The following MPRIP variants were observed in gnomAD, a reference collection of about 807,000 sequenced individuals.
MPRIP encodes the protein myosin phosphatase Rho interacting protein, also known as myosin phosphatase Rho-interacting protein.
MPRIP carries 59 observed loss-of-function variants against 234.9 expected under a neutral mutation model. That is an observed-to-expected ratio of 0.25 (90% CI 0.20 to 0.31). MPRIP has a LOEUF of 0.31. MPRIP is among the 10% of genes least tolerant of loss of function. MPRIP has a pLI of 1.00. For synonymous variants in MPRIP, 1,144 were observed against 1,263.9 expected, an observed-to-expected ratio of 0.91 and a Z score of 2.01; for missense variants, 2,436 against 3,071.0, an observed-to-expected ratio of 0.79 and a Z score of 4.89.
At chr17:17,067,589 C>T (rs781677401) in intron 1 of MPRIP, among the ~76,000 whole-genome samples, 40 of 151,996 alleles carry the variant, frequency 2.6e-4, no homozygotes, top group Non-Finnish European at 5.3e-4. Context: ...TGTGGTTGAC[C>T]GTGGGTAAGG....
At chr17:17,157,747 G>C (rs1053095726) in intron 13 of MPRIP, among the ~76,000 whole-genome samples, 9 of 151,554 alleles carry the variant, frequency 5.9e-5, no homozygotes, top group Non-Finnish European at 7.4e-5. Context: ...AGAATCGCTT[G>C]AACCCAGCAG....
intron 3 of MPRIP, chr17:17,097,291 A>G (rs1421382907): frequency 6.5e-6 from 1 of 153,208 alleles, no homozygotes; most frequent in East Asian, 1.9e-4. Context: ...TGCTTATGTA[A>G]GACCTAAAAA....
chr17:17,133,027 G>T (rs1271412399), intron 5 of MPRIP, among the ~76,000 whole-genome samples: 1 of 152,178 alleles, frequency 6.6e-6, no homozygotes. Flanking sequence ...GTAACTCCAA[G>T]TGCAGAAGCC....
At chr17:17,149,212 G>T (rs1239892673) in intron 11 of MPRIP, among the ~76,000 whole-genome samples, 1 of 152,144 alleles carries the variant, frequency 6.6e-6, no homozygotes, top group Non-Finnish European at 1.5e-5. Flanking sequence ...TTCCTTTGTT[G>T]TCCGGGGGCG....
chr17:17,174,131 G>T, intron 19 of MPRIP, 56 bp downstream of exon 19: 1 of 1,590,490 alleles, frequency 6.3e-7, no homozygotes, highest in South Asian at 1.1e-5. Flanking sequence ...AGGTCAGGTA[G>T]ACCCATAGTC....
intron 1 of MPRIP, among the ~76,000 whole-genome samples, chr17:17,044,029 A>G (rs2088267026): frequency 6.6e-6 from 1 of 152,192 alleles, no homozygotes; most frequent in African/African-American, 2.4e-5. Flanking sequence ...ATGCCACTTC[A>G]GTGCACCCAG....
chr17:17,100,363 G>A (rs749310501), intron 3 of MPRIP, among the ~76,000 whole-genome samples: 2 of 152,104 alleles, frequency 1.3e-5, no homozygotes, highest in Non-Finnish European at 2.9e-5. Flanking sequence ...CCCCCTTGTC[G>A]AACCAGTCAA....
chr17:17,058,345 G>A (rs904143204), intron 1 of MPRIP, among the ~76,000 whole-genome samples: 1 of 151,072 alleles, frequency 6.6e-6, no homozygotes, highest in African/African-American at 2.4e-5. Context: ...GGGGACCCAG[G>A]GAGGAGAGCT....
chr17:17,109,786 G>A (rs1292215704), intron 3 of MPRIP, among the ~76,000 whole-genome samples: 1 of 152,094 alleles, frequency 6.6e-6, no homozygotes, highest in African/African-American at 2.4e-5. Flanking sequence ...TACCCTAAAG[G>A]TACATGAAGC....
rs1346673604 is a variant in MPRIP at position 17,167,489 on chromosome 17, G to A, written c.5898G>A (p.Leu1966=). The A allele has an allele frequency of 7.7e-7, 1 of 1,304,120 alleles. No homozygotes were observed. The highest frequency in any genetic ancestry group is 5.5e-5 in the East Asian group (1 of 18,032). The allele number at this position is 1,304,120 out of a possible 1,614,324, so 80.8% of individuals were successfully genotyped here. A position where few individuals can be genotyped will look rare whatever the true frequency, so the allele number is the denominator to read the frequency against. ...AGCTGACCAGGACCGAGAGCACACTGCAGGCTGAGCGCAGCCGGGTCCTGA... is the reference window on the plus strand; with the variant it reads ...AGCTGACCAGGACCGAGAGCACACTACAGGCTGAGCGCAGCCGGGTCCTGA... ...VEQLTRTEST[L]QAERSRVLSQ... Residue 1966 remains leucine (L), a synonymous_variant, in exon 16 of 24, where the codon CTG becomes CTA. Coordinates refer to ENST00000651222, the MANE Select transcript of MPRIP (RefSeq NM_001364716.4). This position sits in a 1 kb window ranked among gnomAD's most constrained non-coding sequence, Gnocchi z 5.9.
chr17:17,089,074 C>T (rs1233532092), intron 3 of MPRIP, among the ~76,000 whole-genome samples: 4 of 152,208 alleles, frequency 2.6e-5, no homozygotes, highest in Non-Finnish European at 5.9e-5. Flanking sequence ...GTGTCAGAAT[C>T]GAACTCCAGG....
intron 1 of MPRIP, among the ~76,000 whole-genome samples, chr17:17,059,670 G>T (rs189315682): frequency 6.6e-6 from 1 of 152,132 alleles, no homozygotes. Context: ...ACCACCTTTC[G>T]TGTCTTCGTC....
In MPRIP at chr17:17,119,937, G is replaced by A. The variant is rs1435724523; in HGVS notation, c.268-6765G>A. Among the ~76,000 whole-genome samples, 4 of 152,246 alleles carry A rather than the reference G, an allele frequency of 2.6e-5. No individual in the cohort carries two copies. The East Asian group carries it at 7.7e-4, about 29-fold the overall frequency. ...GTGGTGTTCCATGTGGGCCTTGGTTGGATGAGTTTGTGAAACATGCTGTCT... is the reference window on the plus strand; with the variant it reads ...GTGGTGTTCCATGTGGGCCTTGGTTAGATGAGTTTGTGAAACATGCTGTCT... On this transcript the variant is annotated intron_variant, in intron 3 of 23. Coordinates refer to ENST00000651222, the MANE Select transcript of MPRIP (RefSeq NM_001364716.4).
chr17:17,144,966 C>T (rs936655636), intron 9 of MPRIP, among the ~76,000 whole-genome samples: 3 of 152,348 alleles, frequency 2.0e-5, no homozygotes, highest in African/African-American at 7.2e-5. Context: ...AGGAGAGGAC[C>T]TCCCTATTTA....
rs1241162028 is a variant in MPRIP at position 17,164,734 on chromosome 17, G to A, written c.3143G>A (p.Ser1048Asn). The A allele has an allele frequency of 1.5e-6, 2 of 1,301,440 alleles. No homozygotes were observed. Among genetic ancestry groups the A allele is most frequent in the African/African-American group, 1.5e-5 (1 of 65,742 alleles). 80.6% of individuals were successfully genotyped at this position (1,301,440 alleles called of 1,614,324 possible). A position where few individuals can be genotyped will look rare whatever the true frequency, so the allele number is the denominator to read the frequency against. ...QNLKEVEDKA[S>N]AYEDQLQGQA... is the part of the protein sequence containing the mutation. Reference sequence around the variant, plus strand: ...CTAAAGGAAGTGGAAGACAAGGCCAGCGCCTATGAGGACCAGCTGCAGGGT... The same window carrying A: ...CTAAAGGAAGTGGAAGACAAGGCCAACGCCTATGAGGACCAGCTGCAGGGT... Residue 1048 changes from serine to asparagine, a missense_variant, in exon 16 of 24, where the codon AGC becomes AAC. Around this residue, in one of 4 missense-constraint regions of MPRIP, gnomAD observed 1,998 missense variants for 2,520.3 expected, o/e 0.79. Coordinates refer to ENST00000651222, the MANE Select transcript of MPRIP (RefSeq NM_001364716.4).
intron 7 of MPRIP, among the ~76,000 whole-genome samples, chr17:17,140,975 C>G (rs569972768): frequency 2.0e-5 from 3 of 152,304 alleles, no homozygotes; most frequent in East Asian, 3.9e-4. Flanking sequence ...TAATAACTTT[C>G]CACCTCGCCC....
rs758091632 is a variant in MPRIP at position 17,143,668 on chromosome 17, C to T, written c.1502C>T (p.Thr501Met). The stretch of plus-strand genomic sequence containing the variant: ...AGGAGGTCCACGGAGCCCTCCGTGA[C>T]GGTGAGCCCAGGCGCCGCGTCCTCC... ...LDRRSTEPSV[T>M]PDLLNFKKGW... The change falls in exon 9 of 24, where the codon ACG (threonine) becomes ATG (methionine). Residue 501 changes from threonine (T) to methionine (M), a missense_variant and splice_region_variant. By Grantham distance (81) the Thr-to-Met change is moderately conservative (BLOSUM62 -1). Transcript: ENST00000651222. The T allele has an allele frequency of 2.6e-5, 41 of 1,593,238 alleles. No homozygotes were observed. The highest frequency in any genetic ancestry group is 4.0e-5 in the African/African-American group (3 of 74,276).
chr17:17,181,205 T>A (rs77659409), intron 23 of MPRIP, among the ~76,000 whole-genome samples: 6 of 152,046 alleles, frequency 3.9e-5, no homozygotes, highest in Non-Finnish European at 7.4e-5. Context: ...TTTTTTTTTT[T>A]AATAAAACAA....
At chr17:17,056,090 T>C (rs2143884066) in intron 1 of MPRIP, among the ~76,000 whole-genome samples, 1 of 152,320 alleles carries the variant, frequency 6.6e-6, no homozygotes, top group South Asian at 2.1e-4. Flanking sequence ...TCTGGCTGTG[T>C]GTGGCCCCCT....
Sources: allele counts gnomAD v4.1 joint callset (sites outside exome capture counted in the v4.1 genomes callset), GRCh38; gene constraint gnomAD v4.1.1; regional missense constraint gnomAD v4.1.1; non-coding constraint Gnocchi (gnomAD v3.1); transcripts MANE v1.5; gene names NCBI Gene and HGNC (gene_info 2026-07-23, HGNC 2026-07-21).